Variants in USP45 observed in about 807,000 individuals in gnomAD.
USP45 encodes ubiquitin specific peptidase 45.
A neutral mutation model predicts 95.8 loss-of-function variants in USP45; 89 were observed. The observed-to-expected ratio is 0.93, with a 90% CI of 0.78 to 1.11. USP45 has a LOEUF of 1.11. USP45 is among the 50% of genes least tolerant of loss of function. The pLI is 0.00. For missense variants in USP45, 898 were observed against 942.5 expected (o/e 0.95, Z 0.62); for synonymous variants, 281 against 316.2 (o/e 0.89, Z 1.18).
rs546426703 is a variant in USP45, at chr6:99,498,914, G to A, written c.478+4851C>T. Among the ~76,000 whole-genome samples, 211 of 152,150 alleles carry A rather than the reference G, an allele frequency of 1.4e-3. 1 individual carries two copies. The highest frequency in any genetic ancestry group is 2.6e-3 in the Non-Finnish European group (180 of 67,972). ...TTTGAAAGTTATCTTTTCTACAAATGTTATTTGTGTTAACATGGCATAGTA... is the reference window on the plus strand; with the variant it reads ...TTTGAAAGTTATCTTTTCTACAAATATTATTTGTGTTAACATGGCATAGTA... On this transcript the variant is annotated intron_variant, in intron 5 of 17. Transcript: ENST00000500704.
intron 13 of USP45, among the ~76,000 whole-genome samples, chr6:99,450,316 A>G (rs1783570321): frequency 6.6e-6 from 1 of 152,182 alleles, no homozygotes; most frequent in South Asian, 2.1e-4. Context: ...AAGAGAGAAG[A>G]ATCAAATAGG....
intron 11 of USP45, among the ~76,000 whole-genome samples, chr6:99,465,944 G>A (rs1046305181): frequency 1.3e-5 from 2 of 151,814 alleles, no homozygotes; most frequent in African/African-American, 2.4e-5. Flanking sequence ...TCTTTAATAC[G>A]TCATATAAAC....
In USP45 at chr6:99,435,799, T is replaced by A; in HGVS notation, c.2362A>T (p.Ser788Cys). 6.2e-7 allele frequency: 1 copy of A among 1,613,766 alleles called. No individual in the cohort carries two copies. Among genetic ancestry groups the A allele is most frequent in the Non-Finnish European group, 8.5e-7 (1 of 1,179,712 alleles). The change falls in exon 18 of 18, where the codon AGT becomes TGT. Residue 788 changes from serine (S) to cysteine (C), a missense_variant. Coordinates refer to ENST00000500704, the MANE Select transcript of USP45 (RefSeq NM_001346022.3). ...NESAGQWVHV[S>C]DTYLQVVPES... ...GGAACCACCTGTAAGTAAGTGTCAC[T>A]AACATGGACCCACTGGCCTGCTGAT...
At chr6:99,440,012 T>C (rs1188595206) in intron 15 of USP45, among the ~76,000 whole-genome samples, 157 bp from the exon 16 acceptor site, 1 of 151,518 alleles carries the variant, frequency 6.6e-6, no homozygotes, top group African/African-American at 2.4e-5. Context: ...AAATTAAAAA[T>C]TAGGTTTCAT....
intron 5 of USP45, among the ~76,000 whole-genome samples, chr6:99,489,674 C>T (rs761628294): frequency 1.7e-4 from 26 of 152,260 alleles, no homozygotes; most frequent in Non-Finnish European, 3.2e-4. Flanking sequence ...AGGCTGGCCA[C>T]GGTGCCTCAG....
intron 13 of USP45, among the ~76,000 whole-genome samples, chr6:99,452,434 C>T (rs1248146308): frequency 6.6e-6 from 1 of 152,224 alleles, no homozygotes; most frequent in East Asian, 1.9e-4. Context: ...AAATGCTCAT[C>T]ATCACTGGCC....
At chr6:99,516,915 T>C (rs1801151033), upstream of USP45, among the ~76,000 whole-genome samples, 1 of 152,202 alleles carries the variant, frequency 6.6e-6, no homozygotes, top group African/African-American at 2.4e-5. Context: ...AATTAGATTA[T>C]GGAAATTTAG....
In USP45 at chr6:99,491,652, CA is replaced by C. The variant is rs1477810341; in HGVS notation, c.479-2833del. Among the ~76,000 whole-genome samples the C allele has an allele frequency of 2.6e-5, 4 of 152,036 alleles. No homozygotes were observed. The East Asian group carries it at 7.7e-4, about 29-fold the overall frequency. On this transcript the variant is annotated intron_variant, in intron 5 of 17. Transcript: ENST00000500704. The stretch of plus-strand genomic sequence containing the variant: ...GTCATTTTACCACCTAAATTCTCTT[CA>C]GTGATTTATGTACAATGAGAAGAAT...
At chr6:99,506,000 T>G (rs994866305) in intron 4 of USP45, among the ~76,000 whole-genome samples, 12 of 152,194 alleles carry the variant, frequency 7.9e-5, no homozygotes, top group African/African-American at 2.9e-4. Flanking sequence ...GTTCCCTCTG[T>G]TCTTTCGTCA....
chr6:99,496,632 A>G (rs576186202), intron 5 of USP45, among the ~76,000 whole-genome samples: 2 of 152,292 alleles, frequency 1.3e-5, no homozygotes, highest in African/African-American at 4.8e-5. Flanking sequence ...AAATAAACCA[A>G]TATTCAACTA....
At chr6:99,506,757 T>A (rs1421521376) in intron 4 of USP45, among the ~76,000 whole-genome samples, 1 of 152,176 alleles carries the variant, frequency 6.6e-6, no homozygotes, top group Non-Finnish European at 1.5e-5. Flanking sequence ...TACAAGCTAC[T>A]TATGCCCAGC....
chr6:99,484,549 C>T (rs554912792), intron 7 of USP45, among the ~76,000 whole-genome samples: 2 of 152,202 alleles, frequency 1.3e-5, no homozygotes, highest in South Asian at 4.2e-4. Context: ...CTGTAACCTC[C>T]ACACTTTGGG....
At chr6:99,509,585 A>G (rs1204037300) in intron 2 of USP45, among the ~76,000 whole-genome samples, 1 of 151,944 alleles carries the variant, frequency 6.6e-6, no homozygotes, top group Non-Finnish European at 1.5e-5. Context: ...CAGCTCCCAA[A>G]AGCCATCTGC....
rs1799098517 is a variant in USP45 at position 99,508,792 on chromosome 6, A to T, written c.101-10T>A. The T allele has an allele frequency of 1.3e-6, 2 of 1,597,044 alleles. No homozygotes were observed. Among genetic ancestry groups the T allele is most frequent in the East Asian group, 4.5e-5 (2 of 44,528 alleles). On this transcript the variant is annotated splice_polypyrimidine_tract_variant and intron_variant, in intron 2 of 17. Coordinates refer to ENST00000500704, the MANE Select transcript of USP45 (RefSeq NM_001346022.3). ...TGGCAAGTTAAACCTACTGAATAAG[A>T]TAAAACAAAATCTCAACATTTTCTT...
In USP45 at chr6:99,474,083, A is replaced by C. The variant is rs551987550; in HGVS notation, c.933+2060T>G. 7.2e-5 allele frequency among the ~76,000 whole-genome samples: 11 copies of C among 152,316 alleles called. No homozygotes were observed. The East Asian group carries it at 2.1e-3, about 29-fold the overall frequency. ...TGTTTTATAGCAGGAGAGAGTAATT[A>C]ACTCAATCCTTACTTTTAAAGGAAA... is the stretch of plus-strand genomic sequence containing the variant. On this transcript the variant is annotated intron_variant, in intron 9 of 17. Coordinates refer to ENST00000500704, the MANE Select transcript of USP45 (RefSeq NM_001346022.3).
At chr6:99,489,720 GT>G (rs1395760235) in intron 5 of USP45, among the ~76,000 whole-genome samples, 1 of 152,158 alleles carries the variant, frequency 6.6e-6, no homozygotes, top group Non-Finnish European at 1.5e-5. Flanking sequence ...GCTGAAGCAG[GT>G]GGATCACTTG....
intron 13 of USP45, among the ~76,000 whole-genome samples, chr6:99,460,191 T>C (rs905472429): frequency 5.4e-5 from 5 of 92,638 alleles, no homozygotes; most frequent in African/African-American, 2.3e-4. Flanking sequence ...GAGATAACTG[T>C]AGTATAATTT....
chr6:99,496,223 A>G (rs1281666695), intron 5 of USP45, among the ~76,000 whole-genome samples: 1 of 152,134 alleles, frequency 6.6e-6, no homozygotes, highest in Admixed American at 6.6e-5. Flanking sequence ...GTCTCAAGCA[A>G]TCTTCCCACC....
chr6:99,496,936 A>T (rs1468220114), intron 5 of USP45, among the ~76,000 whole-genome samples: 1 of 152,052 alleles, frequency 6.6e-6, no homozygotes, highest in Non-Finnish European at 1.5e-5. Context: ...CATCATTATC[A>T]CCTAAAGTTC....
Sources: gnomAD v4.1 joint callset for allele counts (sites outside exome capture counted in the v4.1 genomes callset) on GRCh38, gnomAD v4.1.1 for gene constraint, MANE v1.5 for transcripts, NCBI Gene and HGNC (gene_info 2026-07-23, HGNC 2026-07-21) for gene names.